Variants in TSEN2 observed in about 807,000 individuals in gnomAD.
TSEN2 encodes tRNA splicing endonuclease subunit 2, also known as tRNA-splicing endonuclease subunit Sen2.
In TSEN2, 54 loss-of-function variants were observed where a neutral mutation model predicts 59.2. The observed-to-expected ratio is 0.91, with a 90% CI of 0.73 to 1.14. The LOEUF is 1.14. Ranked by LOEUF, TSEN2 falls within the 50% of genes most tolerant of loss-of-function variation. The pLI, the probability that TSEN2 is intolerant of heterozygous loss-of-function variation, is 0.00. For synonymous variants in TSEN2, 195 were observed against 198.2 expected, an observed-to-expected ratio of 0.98 and a Z score of 0.14; for missense variants, 636 against 576.2, an observed-to-expected ratio of 1.10 and a Z score of -1.06.
At chr3:12,482,113 G>A (rs2052200118), upstream of TSEN2, among the ~76,000 whole-genome samples, 1 of 152,094 alleles carries the variant, frequency 6.6e-6, no homozygotes, top group Admixed American at 6.6e-5. Flanking sequence ...AAGGTTGAAG[G>A]TTGTAGAAGC....
downstream of TSEN2, among the ~76,000 whole-genome samples, chr3:12,537,179 A>T (rs1411500048): frequency 6.6e-6 from 1 of 151,956 alleles, no homozygotes; most frequent in African/African-American, 2.4e-5. Context: ...GGGAGGCTTA[A>T]GTGGGAGGAT....
Position 12,519,180 on chromosome 3 carries a change from A to G in TSEN2, c.1082A>G (p.Lys361Arg). ...SKGWVPKVGLKYGTDLLLYRK... is the reference protein window; with the variant it reads ...SKGWVPKVGLRYGTDLLLYRK... ...GGCTGGGTGCCCAAAGTGGGACTCAAGTACGGGACAGATTTACGTAAGTAA... is the reference window on the plus strand; with the variant it reads ...GGCTGGGTGCCCAAAGTGGGACTCAGGTACGGGACAGATTTACGTAAGTAA... Residue 361 changes from lysine to arginine, a missense_variant, in exon 8 of 12, where the codon AAG becomes AGG. Physicochemically the swap from Lys to Arg is conservative, Grantham distance 26. Transcript: ENST00000284995. 2 of 1,614,240 alleles carry G rather than the reference A, an allele frequency of 1.2e-6. No individual in the cohort carries two copies. Among genetic ancestry groups the G allele is most frequent in the Non-Finnish European group, 1.7e-6 (2 of 1,180,052 alleles).
intron 8 of TSEN2, among the ~76,000 whole-genome samples, chr3:12,521,264 G>T (rs959445831): frequency 1.3e-5 from 2 of 152,234 alleles, no homozygotes; most frequent in East Asian, 1.9e-4. Flanking sequence ...GAATACAGAA[G>T]TGAACAGGAC....
chr3:12,539,141 T>C (rs2057752096), intron 10 of TSEN2: 1 of 445,428 alleles, frequency 2.2e-6, no homozygotes, highest in Non-Finnish European at 4.5e-6. Flanking sequence ...TTTTTTCTTT[T>C]TTTTTTTCTT....
At chr3:12,483,432 G>A (rs1259329959), upstream of TSEN2, among the ~76,000 whole-genome samples, 1 of 152,182 alleles carries the variant, frequency 6.6e-6, no homozygotes, top group Non-Finnish European at 1.5e-5. Context: ...TGCCATGCCA[G>A]ACTACTGCAG....
intron 6 of TSEN2, among the ~76,000 whole-genome samples, chr3:12,505,918 T>C (rs1431746080): frequency 6.6e-6 from 1 of 151,646 alleles, no homozygotes; most frequent in African/African-American, 2.4e-5. Flanking sequence ...TGAGCCACGA[T>C]TGCACTACTG....
chr3:12,492,625 A>G (rs980195396), intron 3 of TSEN2, among the ~76,000 whole-genome samples: 3 of 152,248 alleles, frequency 2.0e-5, no homozygotes, highest in African/African-American at 7.2e-5. Context: ...TAAATGTTTT[A>G]GAATATTTAT....
downstream of TSEN2, among the ~76,000 whole-genome samples, chr3:12,535,301 G>A (rs946082504): frequency 3.3e-5 from 5 of 151,974 alleles, no homozygotes; most frequent in African/African-American, 9.7e-5. Flanking sequence ...CACTATAACC[G>A]AGGCCCATTT....
In TSEN2 at chr3:12,533,054, CTGA is replaced by C. The variant is rs1311619290; in HGVS notation, c.*335_*337del. 1 of 401,874 alleles carries C rather than the reference CTGA, an allele frequency of 2.5e-6. No individual in the cohort carries two copies. The highest frequency in any genetic ancestry group is 2.0e-5 in the African/African-American group (1 of 49,402). 24.9% of individuals were successfully genotyped at this position (401,874 alleles called of 1,614,324 possible). A position where few individuals can be genotyped will look rare whatever the true frequency, so the allele number is the denominator to read the frequency against. On this transcript the variant is annotated 3_prime_UTR_variant, in exon 12 of 12. Coordinates refer to ENST00000284995, the MANE Select transcript of TSEN2 (RefSeq NM_025265.4). ...ACTTCCAACAAGAGACATTTATTCT[CTGA>C]TTTTACCTGAAAATGGTAGTAGTTT...
In TSEN2 at chr3:12,519,183, AC is replaced by A. The variant is rs1656350126; in HGVS notation, c.1086del (p.Tyr362Ter). 1 of 1,614,138 alleles carries A rather than the reference AC, an allele frequency of 6.2e-7. No homozygotes were observed. Among genetic ancestry groups the A allele is most frequent in the Non-Finnish European group, 8.5e-7 (1 of 1,180,062 alleles). On this transcript the variant is annotated frameshift_variant, in exon 8 of 12. Coordinates refer to ENST00000284995, the MANE Select transcript of TSEN2 (RefSeq NM_025265.4). LOFTEE classifies it high-confidence loss of function. ...KGWVPKVGLK[Y>X]GTDLLLYRKG... ...TGGGTGCCCAAAGTGGGACTCAAGT[AC>A]GGGACAGATTTACGTAAGTAATTCT...
chr3:12,485,202 C>T (rs866146248), intron 1 of TSEN2, among the ~76,000 whole-genome samples: 3 of 152,134 alleles, frequency 2.0e-5, no homozygotes, highest in South Asian at 2.1e-4. Flanking sequence ...GTGAGATTTG[C>T]TGGGTAGGAG....
At chr3:12,493,178 A>C (rs1261936406) in intron 3 of TSEN2, among the ~76,000 whole-genome samples, 1 of 152,146 alleles carries the variant, frequency 6.6e-6, no homozygotes, top group Non-Finnish European at 1.5e-5. Flanking sequence ...CTGCTGATGG[A>C]CACTTAGATT....
intron 4 of TSEN2, among the ~76,000 whole-genome samples, chr3:12,502,852 T>TAG: frequency 6.6e-6 from 1 of 151,928 alleles, no homozygotes; most frequent in African/African-American, 2.4e-5. Context: ...GGCGGGCGGA[T>TAG]CGTGAGGTCA....
intron 10 of TSEN2, chr3:12,530,811 T>C (rs1013083622): frequency 4.0e-5 from 38 of 959,810 alleles, no homozygotes; most frequent in Non-Finnish European, 4.6e-5. Flanking sequence ...ACTGCAACTT[T>C]AATGTCGTAT....
intron 6 of TSEN2, 52 bp from the exon 7 acceptor site, chr3:12,516,559 C>G: frequency 2.5e-6 from 4 of 1,592,716 alleles, no homozygotes; most frequent in Non-Finnish European, 3.4e-6. Flanking sequence ...AATGGTTTCA[C>G]AAGAATGTGA....
At chr3:12,489,735 G>A (rs1575216683) in intron 1 of TSEN2, 49 bp from the exon 2 acceptor site, 2 of 1,521,796 alleles carry the variant, frequency 1.3e-6, no homozygotes, top group East Asian at 2.3e-5. Context: ...TTGGATCAAG[G>A]TAGTTATTGA....
At chr3:12,531,711 G>A (rs1473146169) in intron 11 of TSEN2, 52 bp downstream of exon 11, 1 of 1,231,730 alleles carries the variant, frequency 8.1e-7, no homozygotes, top group South Asian at 1.2e-5. Context: ...GTGAATCATA[G>A]TGTATCTGGA....
intron 8 of TSEN2, among the ~76,000 whole-genome samples, chr3:12,523,845 A>G (rs2056867972): frequency 6.6e-6 from 1 of 151,080 alleles, no homozygotes. Flanking sequence ...CGGGCCTTTG[A>G]TTCATTTCTA....
In TSEN2 at chr3:12,532,844, A is replaced by G; in HGVS notation, c.*123A>G. On this transcript the variant is annotated 3_prime_UTR_variant, in exon 12 of 12. Transcript: ENST00000284995. ...TAAAGGGCATGGTGCTCCCAGCACC[A>G]GAAAACTATCAGTGTTTTTAAAGAT... 1 of 885,548 alleles carries G rather than the reference A, an allele frequency of 1.1e-6. No individual in the cohort carries two copies. The highest frequency in any genetic ancestry group is 1.8e-6 in the Non-Finnish European group (1 of 545,826). 54.9% of individuals were successfully genotyped at this position (885,548 alleles called of 1,614,324 possible).
Sources: gnomAD v4.1 joint callset for allele counts (sites outside exome capture counted in the v4.1 genomes callset) on GRCh38, gnomAD v4.1.1 for gene constraint, MANE v1.5 for transcripts, NCBI Gene and HGNC (gene_info 2026-07-23, HGNC 2026-07-21) for gene names.